PGM3: variants seen among roughly 807,000 people sequenced by gnomAD.
The protein encoded by PGM3 is phosphoacetylglucosamine mutase.
In PGM3, 40 loss-of-function variants were observed where a neutral mutation model predicts 66.2. That is an observed-to-expected ratio of 0.60 (90% CI 0.47 to 0.79). PGM3 has a LOEUF of 0.79. Among genes scored for constraint, PGM3 ranks in the 30% least tolerant of loss-of-function variants. PGM3 has a pLI of 0.00. For missense variants in PGM3, 537 were observed against 643.4 expected, an observed-to-expected ratio of 0.83 and a Z score of 1.79; for synonymous variants, 191 against 224.2, an observed-to-expected ratio of 0.85 and a Z score of 1.32.
chr6:83,183,765 G>A (rs1385337337), intron 4 of PGM3, among the ~76,000 whole-genome samples: 2 of 151,530 alleles, frequency 1.3e-5, no homozygotes, highest in Non-Finnish European at 2.9e-5. Flanking sequence ...TCACCGTATC[G>A]CTCAGGCTGG....
intron 12 of PGM3, 78 bp downstream of exon 12, chr6:83,170,227 T>C (rs1048176665): frequency 5.2e-6 from 7 of 1,333,584 alleles, no homozygotes; most frequent in Admixed American, 1.8e-5. Flanking sequence ...CATAGTGAGA[T>C]TCTAAAAACC....
rs979856861 is a variant in PGM3, at chr6:83,191,426, G to A, written c.-2-412C>T. ...ACCTAAATTAACATAGATAGCTGGTGACGGATTGAGGCCTAAAGTCAGATT... is the reference window on the plus strand; with the variant it reads ...ACCTAAATTAACATAGATAGCTGGTAACGGATTGAGGCCTAAAGTCAGATT... On this transcript the variant is annotated intron_variant, in intron 1 of 12. Coordinates refer to ENST00000513973, the MANE Select transcript of PGM3 (RefSeq NM_015599.3). The A allele has an allele frequency of 1.2e-5, 7 of 595,018 alleles. No homozygotes were observed. In the African/African-American group the frequency reaches 1.3e-4, roughly 11 times the overall value. The allele number at this position is 595,018 out of a possible 1,614,324, so 36.9% of individuals were successfully genotyped here. A position where few individuals can be genotyped will look rare whatever the true frequency, so the allele number is the denominator to read the frequency against.
At position 83,191,418 on chromosome 6, in the gene PGM3, T is replaced by A. The variant is rs934422917; in HGVS notation, c.-2-404A>T. 4 of 607,850 alleles carry A rather than the reference T, an allele frequency of 6.6e-6. No individual in the cohort carries two copies. The African/African-American group carries it at 7.4e-5, about 11-fold the overall frequency. 37.7% of individuals were successfully genotyped at this position (607,850 alleles called of 1,614,324 possible). On this transcript the variant is annotated intron_variant, in intron 1 of 12. Transcript: ENST00000513973. The stretch of plus-strand genomic sequence containing the variant: ...GGAAACTAACCTAAATTAACATAGA[T>A]AGCTGGTGACGGATTGAGGCCTAAA...
Position 83,168,200 on chromosome 6 carries a change from A to T in PGM3, c.*1034T>A. 2.5e-6 allele frequency: 4 copies of T among 1,579,440 alleles called. No individual in the cohort carries two copies. The African/African-American group carries it at 5.4e-5, about 21-fold the overall frequency. On this transcript the variant is annotated 3_prime_UTR_variant, in exon 13 of 13. Transcript: ENST00000513973. ...TGCTGGTTCCATTTAGCTTACATGT[A>T]AATGTAATTATTTAAAACACACACA...
At chr6:83,189,418 C>T (rs893254538) in intron 2 of PGM3, among the ~76,000 whole-genome samples, 1 of 152,184 alleles carries the variant, frequency 6.6e-6, no homozygotes, top group African/African-American at 2.4e-5. Context: ...TGAGAAGTGC[C>T]TCTGGAACTA....
downstream of PGM3, chr6:83,159,634 G>T (rs529440970): frequency 1.6e-5 from 13 of 789,338 alleles, no homozygotes; most frequent in South Asian, 3.6e-5. Context: ...GTGAATTTTT[G>T]ATTTGAAAAC....
At chr6:83,183,144 G>A (rs1788320138) in intron 4 of PGM3, among the ~76,000 whole-genome samples, 166 bp from the exon 5 acceptor site, 1 of 152,012 alleles carries the variant, frequency 6.6e-6, no homozygotes, top group Non-Finnish European at 1.5e-5. Flanking sequence ...ATGACTATAA[G>A]AAGCCAAAAA....
chr6:83,162,354 T>C (rs1388592256), downstream of PGM3, among the ~76,000 whole-genome samples: 1 of 152,162 alleles, frequency 6.6e-6, no homozygotes, highest in East Asian at 1.9e-4. Context: ...ACTCCTTTAC[T>C]ATGCAACTAG....
Position 83,165,064 on chromosome 6 carries a change from G to C in PGM3, c.*4170C>G, listed in dbSNP as rs191644765. 126 of 211,416 alleles carry C rather than the reference G, an allele frequency of 6.0e-4. No homozygotes were observed. The highest frequency in any genetic ancestry group is 2.4e-3 in the African/African-American group (104 of 42,618). The allele number at this position is 211,416 out of a possible 1,614,324, so 13.1% of individuals were successfully genotyped here. ...ATAGTTCTCTTACATTTGGAAGTTA[G>C]CTATATAGAGGGTACAAGGATATTC... On this transcript the variant is annotated 3_prime_UTR_variant, in exon 13 of 13. Transcript: ENST00000513973.
intron 4 of PGM3, among the ~76,000 whole-genome samples, chr6:83,184,265 A>G (rs1169007236): frequency 2.6e-5 from 4 of 152,232 alleles, no homozygotes; most frequent in Admixed American, 2.6e-4. Flanking sequence ...ATACTCAGTG[A>G]CTACACCTGT....
chr6:83,153,668 A>G, the PGM3 span: 2 of 1,439,998 alleles, frequency 1.4e-6, no homozygotes, highest in Non-Finnish European at 1.9e-6. Context: ...ATAGCCTGTT[A>G]GAAACAAGTT....
the PGM3 span, chr6:83,154,336 G>A: frequency 8.8e-7 from 1 of 1,138,018 alleles, no homozygotes; most frequent in Non-Finnish European, 1.3e-6. Context: ...GGAGACTACT[G>A]AATTAGCTCT....
intron 9 of PGM3, among the ~76,000 whole-genome samples, chr6:83,175,246 T>A (rs1787671926): frequency 6.6e-6 from 1 of 152,182 alleles, no homozygotes; most frequent in South Asian, 2.1e-4. Context: ...AATCCAAAAA[T>A]ATTTACTCTC....
At chr6:83,188,303 A>G (rs1031826116) in intron 3 of PGM3, among the ~76,000 whole-genome samples, 2 of 151,136 alleles carry the variant, frequency 1.3e-5, no homozygotes, top group Non-Finnish European at 3.0e-5. Flanking sequence ...CTCTGTAGGG[A>G]AAAAAAAATA....
At chr6:83,149,445 G>C in the PGM3 span, among the ~76,000 whole-genome samples, 1 of 152,150 alleles carries the variant, frequency 6.6e-6, no homozygotes, top group African/African-American at 2.4e-5. Context: ...AAGCCTTTGT[G>C]AAACAGGAAG....
chr6:83,176,229 A>T (rs528406675), intron 8 of PGM3, 169 bp from the exon 9 acceptor site: 1 of 526,868 alleles, frequency 1.9e-6, no homozygotes, highest in Non-Finnish European at 3.4e-6. Flanking sequence ...TGGAAGCATG[A>T]ACACACTCTG....
At chr6:83,164,150 G>A (rs1026034273), downstream of PGM3, among the ~76,000 whole-genome samples, 4 of 148,700 alleles carry the variant, frequency 2.7e-5, no homozygotes, top group African/African-American at 1.0e-4. Flanking sequence ...GTCTTCTGGA[G>A]TCCTCCTAAT....
chr6:83,176,589 C>A (rs1406258915), intron 8 of PGM3, among the ~76,000 whole-genome samples: 1 of 152,164 alleles, frequency 6.6e-6, no homozygotes, highest in Non-Finnish European at 1.5e-5. Flanking sequence ...AATGAGGAGG[C>A]TTCTAGGACT....
rs910535794 is a variant in PGM3 at position 83,187,163 on chromosome 6, T to C, written c.390-88A>G. The C allele has an allele frequency of 4.1e-5, 32 of 784,440 alleles. No homozygotes were observed. The South Asian group carries it at 4.6e-4, about 11-fold the overall frequency. 48.6% of individuals were successfully genotyped at this position (784,440 alleles called of 1,614,324 possible). On this transcript the variant is annotated intron_variant, in intron 3 of 12. Coordinates refer to ENST00000513973, the MANE Select transcript of PGM3 (RefSeq NM_015599.3). ...GCAAGCAAATGCAAAAATTACATGC[T>C]ACAAATTTCAAAATAGTAAGTTCCT...
Sources: gnomAD v4.1 joint callset for allele counts (sites outside exome capture counted in the v4.1 genomes callset) on GRCh38, gnomAD v4.1.1 for gene constraint, MANE v1.5 for transcripts, NCBI Gene and HGNC (gene_info 2026-07-23, HGNC 2026-07-21) for gene names.